Variants in APBB2 observed in about 807,000 individuals in gnomAD.
APBB2 encodes the protein amyloid beta precursor protein binding family B member 2, also known as Fe65-like 1.
Under a neutral mutation model 82.5 loss-of-function variants are expected in APBB2, and 38 were observed. That is an observed-to-expected ratio of 0.46 (90% CI 0.36 to 0.60). The LOEUF is 0.60. Ranked by LOEUF, APBB2 falls within the 20% of genes least tolerant of loss-of-function variation. The pLI, the probability that APBB2 is intolerant of heterozygous loss-of-function variation, is 0.00. For synonymous variants in APBB2, 341 were observed against 368.2 expected (o/e 0.93, Z 0.85); for missense variants, 772 against 972.3 (o/e 0.79, Z 2.74).
intron 10 of APBB2, among the ~76,000 whole-genome samples, chr4:40,895,598 C>T (rs1217570404): frequency 2.6e-5 from 4 of 152,234 alleles, no homozygotes; most frequent in East Asian, 1.9e-4. Context: ...CTCCACCAAA[C>T]GTGCTGCTTT....
chr4:41,077,820 A>C (rs1225318508), intron 3 of APBB2, among the ~76,000 whole-genome samples: 1 of 152,196 alleles, frequency 6.6e-6, no homozygotes, highest in Admixed American at 6.5e-5. Flanking sequence ...TGCTAAGGAC[A>C]AATTCCAGGT....
intron 10 of APBB2, among the ~76,000 whole-genome samples, chr4:40,920,046 G>A (rs1780856312): frequency 6.6e-6 from 1 of 152,134 alleles, no homozygotes; most frequent in South Asian, 2.1e-4. Context: ...AACTGCTCGG[G>A]TATGTCATTA....
chr4:40,834,770 G>C (rs1014312711), intron 12 of APBB2, among the ~76,000 whole-genome samples: 20 of 152,304 alleles, frequency 1.3e-4, no homozygotes, highest in Middle Eastern at 3.4e-3. Flanking sequence ...GAAAAGGCAA[G>C]AAAACGGATT....
intron 12 of APBB2, among the ~76,000 whole-genome samples, chr4:40,841,357 T>C (rs1755748079): frequency 6.6e-6 from 1 of 152,182 alleles, no homozygotes; most frequent in Admixed American, 6.5e-5. Context: ...TATCTCCAAA[T>C]TCCCTTATTC....
chr4:40,865,903 C>T (rs1488062530), intron 12 of APBB2, among the ~76,000 whole-genome samples: 2 of 152,216 alleles, frequency 1.3e-5, no homozygotes, highest in African/African-American at 2.4e-5. Context: ...TTTTAGAATG[C>T]TAAAATAACC....
At chr4:41,151,773 C>CT (rs1005186186) in intron 1 of APBB2, among the ~76,000 whole-genome samples, 119 of 137,860 alleles carry the variant, frequency 8.6e-4, no homozygotes, top group South Asian at 3.0e-3. Context: ...ACATGGTCTT[C>CT]TTTTTTTTTT....
intron 1 of APBB2, among the ~76,000 whole-genome samples, chr4:41,191,020 T>C (rs1774274993): frequency 6.6e-6 from 1 of 152,096 alleles, no homozygotes; most frequent in African/African-American, 2.4e-5. Context: ...ACCTGATCGA[T>C]TCAATTCTCT....
chr4:41,170,441 A>C (rs1454057592), intron 1 of APBB2, among the ~76,000 whole-genome samples: 1 of 152,172 alleles, frequency 6.6e-6, no homozygotes, highest in Non-Finnish European at 1.5e-5. Flanking sequence ...AAGAAGGGTG[A>C]TATGCTCTGA....
chr4:41,014,030 T>A lies in APBB2; in HGVS notation c.388A>T (p.Ile130Leu). The change falls in exon 6 of 18, where the codon ATA becomes TTA. Residue 130 changes from isoleucine (I) to leucine (L), a missense_variant. Coordinates refer to ENST00000508593, the MANE Select transcript of APBB2 (RefSeq NM_004307.2). ...KNLSPTAVIN[I>L]TSEKLEGKEP... Reference sequence around the variant, plus strand: ...TTACCCTCTAACTTCTCAGAAGTTATGTTGATGACTGCAGTGGGGCTCAGG... The same window carrying A: ...TTACCCTCTAACTTCTCAGAAGTTAAGTTGATGACTGCAGTGGGGCTCAGG... 1 of 1,614,184 alleles carries A rather than the reference T, an allele frequency of 6.2e-7. No homozygotes were observed. Among genetic ancestry groups the A allele is most frequent in the Non-Finnish European group, 8.5e-7 (1 of 1,180,006 alleles).
intron 10 of APBB2, among the ~76,000 whole-genome samples, chr4:40,911,231 G>A (rs1008028353): frequency 6.6e-6 from 1 of 152,132 alleles, no homozygotes; most frequent in Non-Finnish European, 1.5e-5. Context: ...TCGAATCCGT[G>A]GGCTCCTCAG....
At chr4:40,918,507 G>A (rs1205428547) in intron 10 of APBB2, among the ~76,000 whole-genome samples, 1 of 152,208 alleles carries the variant, frequency 6.6e-6, no homozygotes, top group African/African-American at 2.4e-5. Context: ...GTGCTTTAAT[G>A]CCGTTAATGG....
intron 1 of APBB2, among the ~76,000 whole-genome samples, chr4:41,171,263 T>C (rs917993499): frequency 9.2e-5 from 14 of 152,242 alleles, no homozygotes; most frequent in African/African-American, 3.4e-4. Context: ...CAGATTACCA[T>C]AGCTGAGAGC....
At chr4:41,162,840 C>G (rs535437348) in intron 1 of APBB2, among the ~76,000 whole-genome samples, 6 of 152,260 alleles carry the variant, frequency 3.9e-5, no homozygotes, top group Admixed American at 3.3e-4. Context: ...GCCTGGGCAA[C>G]AGAGTAAGAC....
chr4:40,811,343 C>G lies in APBB2; in HGVS notation c.*4749G>C, dbSNP rs966957140. Reference sequence around the variant, plus strand: ...TTGGGGCGGGCGGATCACCTGAGGTCAGGAGTTCGAGACCAGCCTGGCCAA... The same window carrying G: ...TTGGGGCGGGCGGATCACCTGAGGTGAGGAGTTCGAGACCAGCCTGGCCAA... On this transcript the variant is annotated 3_prime_UTR_variant, in exon 18 of 18. Transcript: ENST00000508593. 6.6e-6 allele frequency: 1 copy of G among 152,096 alleles called. No individual in the cohort carries two copies. Among genetic ancestry groups the G allele is most frequent in the African/African-American group, 2.4e-5 (1 of 41,398 alleles). 9.4% of individuals were successfully genotyped at this position (152,096 alleles called of 1,614,324 possible).
intron 6 of APBB2, among the ~76,000 whole-genome samples, chr4:41,005,437 A>T (rs1275701148): frequency 6.6e-6 from 1 of 152,112 alleles, no homozygotes; most frequent in Non-Finnish European, 1.5e-5. Flanking sequence ...TGGTGAAGAA[A>T]ACTAATCTGG....
intron 10 of APBB2, among the ~76,000 whole-genome samples, chr4:40,930,440 TGTGTGTGTGCGCGC>T (rs758191185): frequency 0.045 from 2,046 of 45,268 alleles, 40 homozygotes; most frequent in African/African-American, 0.1. Flanking sequence ...TGTGTGTGTG[TGTGTGTGTGCGCGC>T]GCGCGCGCGC....
intron 3 of APBB2, among the ~76,000 whole-genome samples, chr4:41,080,921 G>A (rs1737384037): frequency 6.6e-6 from 1 of 151,926 alleles, no homozygotes; most frequent in African/African-American, 2.4e-5. Flanking sequence ...TTTGTATTTA[G>A]GAGATATTTT....
intron 16 of APBB2, among the ~76,000 whole-genome samples, chr4:40,823,077 G>A (rs1748573179): frequency 6.6e-6 from 1 of 152,228 alleles, no homozygotes; most frequent in African/African-American, 2.4e-5. Context: ...AGGCAGAATA[G>A]AAAAGTGGGC....
chr4:41,085,831 TATA>T (rs1354386680), intron 3 of APBB2, among the ~76,000 whole-genome samples: 1 of 152,056 alleles, frequency 6.6e-6, no homozygotes. Context: ...TGAAATAATC[TATA>T]ATGATTTGTA....
Sources: gnomAD v4.1 joint callset for allele counts (sites outside exome capture counted in the v4.1 genomes callset) on GRCh38, gnomAD v4.1.1 for gene constraint, MANE v1.5 for transcripts, NCBI Gene and HGNC (gene_info 2026-07-23, HGNC 2026-07-21) for gene names.